The following MRTFB variants were observed in gnomAD, a reference collection of about 807,000 sequenced individuals.
MRTFB encodes myocardin related transcription factor B.
A neutral mutation model predicts 104.2 loss-of-function variants in MRTFB; 29 were observed. That is an observed-to-expected ratio of 0.28 (90% confidence interval 0.21 to 0.38). The LOEUF (loss-of-function observed/expected upper bound fraction) is 0.38. Ranked by LOEUF, MRTFB falls within the 10% of genes least tolerant of loss-of-function variation. The probability of loss-of-function intolerance (pLI) is 1.00; values close to 1 mark genes in which losing one functional copy is unlikely to be tolerated. For synonymous variants in MRTFB, 535 were observed against 519.5 expected, an observed-to-expected ratio of 1.03 and a Z score of -0.41; for missense variants, 1,270 against 1,341.6, an observed-to-expected ratio of 0.95 and a Z score of 0.83.
chr16:14,058,486 CACA>C, the MRTFB span, among the ~76,000 whole-genome samples: 1 of 151,808 alleles, frequency 6.6e-6, no homozygotes, highest in Non-Finnish European at 1.5e-5. Context: ...ATTGAATTCT[CACA>C]ACGACTGTGT....
At chr16:14,229,345 C>T (rs200972585) in intron 8 of MRTFB, among the ~76,000 whole-genome samples, 4 of 152,020 alleles carry the variant, frequency 2.6e-5, no homozygotes, top group African/African-American at 9.7e-5. Flanking sequence ...TTTTATTCAA[C>T]TCATTTTTCA....
chr16:14,060,491 T>C, the MRTFB span, among the ~76,000 whole-genome samples: 4 of 152,102 alleles, frequency 2.6e-5, no homozygotes, highest in Non-Finnish European at 5.9e-5. Flanking sequence ...CTTACCCTGT[T>C]TGAATTTTCA....
upstream of MRTFB, among the ~76,000 whole-genome samples, chr16:14,070,874 T>A (rs1834879293): frequency 6.6e-6 from 1 of 152,218 alleles, no homozygotes; most frequent in African/African-American, 2.4e-5. Context: ...TGTACTTTCC[T>A]TGCCAGGCCT....
At chr16:14,113,960 C>T (rs2036406702) in intron 2 of MRTFB, among the ~76,000 whole-genome samples, 1 of 152,092 alleles carries the variant, frequency 6.6e-6, no homozygotes, top group African/African-American at 2.4e-5. Context: ...TGTGTCAATG[C>T]TAGTTTTTAA....
chr16:14,227,259 C>A (rs1393155434), intron 8 of MRTFB, among the ~76,000 whole-genome samples: 1 of 150,916 alleles, frequency 6.6e-6, no homozygotes, highest in Non-Finnish European at 1.5e-5. Context: ...TGCATTAGTT[C>A]CCGTGAGAGC....
the MRTFB span, among the ~76,000 whole-genome samples, chr16:14,063,758 C>G: frequency 6.6e-6 from 1 of 152,182 alleles, no homozygotes; most frequent in Non-Finnish European, 1.5e-5. Flanking sequence ...AGCTGTCGTA[C>G]CTGTAGCCTA....
rs1026150263 is a variant in MRTFB at position 14,177,034 on chromosome 16, A to G, written c.155-33209A>G. Reference sequence around the variant, plus strand: ...AAGTACAGTTTCCGTGGGCAGAGATAGGGAATAGGGAAATCCAGGAAGAAA... The same window carrying G: ...AAGTACAGTTTCCGTGGGCAGAGATGGGGAATAGGGAAATCCAGGAAGAAA... On this transcript the variant is annotated intron_variant, in intron 3 of 16. Transcript: ENST00000571589. This position sits in a 1 kb window ranked among gnomAD's most constrained non-coding sequence, Gnocchi z 4.7. 1.3e-5 allele frequency among the ~76,000 whole-genome samples: 2 copies of G among 152,248 alleles called. No homozygotes were observed. The highest frequency in any genetic ancestry group is 2.9e-5 in the Non-Finnish European group (2 of 68,036).
the MRTFB span, among the ~76,000 whole-genome samples, chr16:14,040,012 T>C: frequency 6.6e-6 from 1 of 152,210 alleles, no homozygotes; most frequent in Non-Finnish European, 1.5e-5. Flanking sequence ...CCTCCCAAAG[T>C]GCTGGGATTA....
chr16:14,120,681 C>T (rs1351851068), intron 2 of MRTFB, among the ~76,000 whole-genome samples: 1 of 152,198 alleles, frequency 6.6e-6, no homozygotes, highest in Non-Finnish European at 1.5e-5. Context: ...CTATCTTAAT[C>T]ACTGTGGCTT....
the MRTFB span, among the ~76,000 whole-genome samples, chr16:14,014,754 G>A: frequency 6.6e-6 from 1 of 152,172 alleles, no homozygotes; most frequent in African/African-American, 2.4e-5. Context: ...TGTAATCCCA[G>A]CTACTCAGGA....
At chr16:14,210,998 G>A (rs894369769) in intron 4 of MRTFB, among the ~76,000 whole-genome samples, 1 of 152,074 alleles carries the variant, frequency 6.6e-6, no homozygotes, top group Non-Finnish European at 1.5e-5. Context: ...TCTGGATTTT[G>A]TGTAAAAATG....
At chr16:14,210,730 A>G (rs2041157262) in intron 4 of MRTFB, among the ~76,000 whole-genome samples, 1 of 152,216 alleles carries the variant, frequency 6.6e-6, no homozygotes, top group African/African-American at 2.4e-5. Flanking sequence ...ATGCTATGCT[A>G]TGATCTGTGT....
At chr16:14,238,283 A>G (rs893086837) in intron 9 of MRTFB, among the ~76,000 whole-genome samples, 2 of 152,152 alleles carry the variant, frequency 1.3e-5, no homozygotes, top group African/African-American at 2.4e-5. Context: ...CGAGAGGCAG[A>G]AGGAGACAGA....
intron 3 of MRTFB, among the ~76,000 whole-genome samples, chr16:14,148,190 A>G (rs889008839): frequency 1.3e-5 from 2 of 152,216 alleles, no homozygotes; most frequent in Non-Finnish European, 2.9e-5. Context: ...TGACTCAGCT[A>G]TAACCTCCTA....
At chr16:14,012,466 T>A in the MRTFB span, among the ~76,000 whole-genome samples, 1 of 151,470 alleles carries the variant, frequency 6.6e-6, no homozygotes, top group Non-Finnish European at 1.5e-5. Context: ...GCCTGGCTAA[T>A]TTTTTGTATT....
chr16:14,253,245 T>G (rs1285244909), intron 15 of MRTFB, among the ~76,000 whole-genome samples: 1 of 152,162 alleles, frequency 6.6e-6, no homozygotes, highest in Non-Finnish European at 1.5e-5. Flanking sequence ...TCTAAAGCTT[T>G]CTGTCAAAGC....
intron 3 of MRTFB, chr16:14,142,596 A>G (rs1276586581): frequency 1.3e-5 from 2 of 152,208 alleles, no homozygotes; most frequent in African/African-American, 4.8e-5. Flanking sequence ...ACAGTAGCTG[A>G]GAGAATATAG....
At chr16:14,178,704 C>G (rs2151000515) in intron 3 of MRTFB, among the ~76,000 whole-genome samples, 1 of 152,064 alleles carries the variant, frequency 6.6e-6, no homozygotes, top group Admixed American at 6.5e-5. Flanking sequence ...TTGTAGATGA[C>G]TTAGTTGGGC....
chr16:14,249,415 G>GA (rs1271642116), intron 13 of MRTFB, among the ~76,000 whole-genome samples: 3 of 152,082 alleles, frequency 2.0e-5, no homozygotes, highest in Non-Finnish European at 4.4e-5. Context: ...ACATACTGTG[G>GA]AAAAAAAGAT....
Sources: gnomAD v4.1 joint callset for allele counts (sites outside exome capture counted in the v4.1 genomes callset) on GRCh38, gnomAD v4.1.1 for gene constraint, Gnocchi (gnomAD v3.1) non-coding constraint, MANE v1.5 for transcripts, NCBI Gene and HGNC (gene_info 2026-07-23, HGNC 2026-07-21) for gene names.